The following SLC71A2 variants were observed in gnomAD, a reference collection of about 807,000 sequenced individuals.
SLC71A2 encodes solute carrier family 71 member 2, also known as hippocampus abundant transcript-like 1.
At chr9:94,439,022 GTTTTTTT>G in the SLC71A2 span, among the ~76,000 whole-genome samples, 3 of 115,688 alleles carry the variant, frequency 2.6e-5, no homozygotes, top group Non-Finnish European at 3.5e-5. Flanking sequence ...ATTTGAGTTC[GTTTTTTT>G]TTTTTTTTTG....
At chr9:94,455,779 T>C in the SLC71A2 span, among the ~76,000 whole-genome samples, 1 of 152,196 alleles carries the variant, frequency 6.6e-6, no homozygotes, top group African/African-American at 2.4e-5. Flanking sequence ...GGTCTGTTTT[T>C]CCAGTTGGGG....
chr9:94,420,320 T>TGCCCTG, the SLC71A2 span, among the ~76,000 whole-genome samples: 2 of 152,300 alleles, frequency 1.3e-5, no homozygotes, highest in African/African-American at 4.8e-5. Flanking sequence ...GGCAGCAGCA[T>TGCCCTG]GCCCTGCTTA....
chr9:94,429,428 G>C, the SLC71A2 span, among the ~76,000 whole-genome samples: 32 of 152,222 alleles, frequency 2.1e-4, no homozygotes, highest in East Asian at 6.2e-3. Context: ...AAATACATAA[G>C]GCATAGAATG....
chr9:94,430,988 A>G, the SLC71A2 span, among the ~76,000 whole-genome samples: 54 of 152,296 alleles, frequency 3.5e-4, no homozygotes, highest in Middle Eastern at 6.8e-3. Flanking sequence ...ATCTATGCAT[A>G]ATTATACGTT....
chr9:94,453,552 T>C, the SLC71A2 span, among the ~76,000 whole-genome samples: 1 of 152,220 alleles, frequency 6.6e-6, no homozygotes, highest in Non-Finnish European at 1.5e-5. Context: ...ATTCCAACTT[T>C]GTAAACTTCC....
the SLC71A2 span, among the ~76,000 whole-genome samples, chr9:94,414,264 G>A: frequency 6.6e-6 from 1 of 152,158 alleles, no homozygotes. Context: ...GTCACCACAA[G>A]TTTGGAGGGG....
chr9:94,389,950 C>G, the SLC71A2 span, among the ~76,000 whole-genome samples: 1 of 151,946 alleles, frequency 6.6e-6, no homozygotes, highest in Non-Finnish European at 1.5e-5. Flanking sequence ...TGCAGGGGCT[C>G]ACGCCTGTAA....
the SLC71A2 span, among the ~76,000 whole-genome samples, chr9:94,447,501 T>TA: frequency 7.7e-6 from 1 of 130,540 alleles, no homozygotes; most frequent in Non-Finnish European, 1.6e-5. Flanking sequence ...TTTTTTTTTT[T>TA]AAATAGACTA....
chr9:94,452,206 A>G, the SLC71A2 span, among the ~76,000 whole-genome samples: 2 of 152,210 alleles, frequency 1.3e-5, no homozygotes, highest in Admixed American at 1.3e-4. Flanking sequence ...TTAATGTTGA[A>G]AAGTAAGTAG....
chr9:94,452,278 G>A, the SLC71A2 span, among the ~76,000 whole-genome samples: 2 of 152,098 alleles, frequency 1.3e-5, no homozygotes, highest in African/African-American at 4.8e-5. Flanking sequence ...CAGGACTGAA[G>A]AAATATGAAT....
At chr9:94,451,433 G>A in the SLC71A2 span, 2 of 1,243,544 alleles carry the variant, frequency 1.6e-6, no homozygotes, top group East Asian at 2.5e-5. Context: ...TATTACTAAA[G>A]TGTTTTCATT....
the SLC71A2 span, among the ~76,000 whole-genome samples, chr9:94,458,872 A>G: frequency 2.0e-5 from 3 of 152,210 alleles, no homozygotes; most frequent in Non-Finnish European, 4.4e-5. Context: ...ACAAAGGTGC[A>G]TGATCTGAAG....
the SLC71A2 span, among the ~76,000 whole-genome samples, chr9:94,452,668 CATATATATTCATATATTCATATATATT>C: frequency 2.1e-5 from 1 of 48,078 alleles, no homozygotes; most frequent in African/African-American, 9.0e-5. Flanking sequence ...CATATATATT[CATATATATTCATATATTCATATATATT>C]CATATATTCA....
the SLC71A2 span, among the ~76,000 whole-genome samples, chr9:94,389,134 ATAGT>A: frequency 8.0e-3 from 1,207 of 151,784 alleles, 14 homozygotes; most frequent in African/African-American, 0.023. Flanking sequence ...GAAGCTATTA[ATAGT>A]TAGCAGCAGA....
the SLC71A2 span, among the ~76,000 whole-genome samples, chr9:94,457,433 A>C: frequency 6.7e-6 from 1 of 148,918 alleles, no homozygotes; most frequent in South Asian, 2.2e-4. Flanking sequence ...CTATATTGGA[A>C]AGGATGGTTT....
the SLC71A2 span, among the ~76,000 whole-genome samples, chr9:94,440,547 T>C: frequency 6.6e-6 from 1 of 152,104 alleles, no homozygotes; most frequent in Non-Finnish European, 1.5e-5. Flanking sequence ...AAAAAAAGCA[T>C]CTATCACATG....
At chr9:94,426,220 A>G in the SLC71A2 span, among the ~76,000 whole-genome samples, 3 of 151,834 alleles carry the variant, frequency 2.0e-5, no homozygotes, top group Non-Finnish European at 4.4e-5. Flanking sequence ...TCAATCCTGC[A>G]AGTATCCCAC....
the SLC71A2 span, among the ~76,000 whole-genome samples, chr9:94,384,748 C>T: frequency 9.9e-3 from 1,508 of 152,116 alleles, 8 homozygotes; most frequent in South Asian, 0.016. Context: ...GTGCGAATGT[C>T]TCACTTTGAA....
the SLC71A2 span, among the ~76,000 whole-genome samples, chr9:94,438,823 T>G: frequency 6.6e-6 from 1 of 152,192 alleles, no homozygotes; most frequent in Non-Finnish European, 1.5e-5. Context: ...TATGGGAGTT[T>G]AACCCTGAGA....
Sources: gnomAD v4.1 joint callset for allele counts (sites outside exome capture counted in the v4.1 genomes callset) on GRCh38, gnomAD v4.1.1 for gene constraint, MANE v1.5 for transcripts, NCBI Gene and HGNC (gene_info 2026-07-23, HGNC 2026-07-21) for gene names.